AK3: variants seen among roughly 807,000 people sequenced by gnomAD.
AK3 encodes GTP:AMP phosphotransferase AK3, mitochondrial.
In AK3, 27 loss-of-function variants were observed where a neutral mutation model predicts 23.7. The observed-to-expected ratio is 1.14, with a 90% confidence interval of 0.84 to 1.57. AK3 has a LOEUF of 1.57. Ranked by LOEUF, AK3 falls within the 40% of genes most tolerant of loss-of-function variation. The pLI is 0.00. For missense variants in AK3, 406 were observed against 285.6 expected (o/e 1.42, Z -3.04); for synonymous variants, 159 against 116.0 (o/e 1.37, Z -2.38).
intron 1 of AK3, among the ~76,000 whole-genome samples, chr9:4,724,639 T>C (rs551654226): frequency 1.3e-5 from 2 of 152,062 alleles, no homozygotes; most frequent in South Asian, 2.1e-4. Flanking sequence ...ATTAGCTGGG[T>C]GTGGTGGCTC....
At chr9:4,728,252 A>G (rs1325483754) in intron 1 of AK3, among the ~76,000 whole-genome samples, 1 of 152,248 alleles carries the variant, frequency 6.6e-6, no homozygotes, top group Admixed American at 6.5e-5. Context: ...CCTGTGAAGC[A>G]CAATAAAACA....
rs936132778 is a variant in AK3 at position 4,719,239 on chromosome 9, G to C, written c.340C>G (p.Leu114Val). The change falls in exon 3 of 5, where the codon CTG (leucine) becomes GTG (valine). Residue 114 changes from leucine to valine, a missense_variant. By Grantham distance (32) the Leu-to-Val change is conservative. Coordinates refer to ENST00000381809, the MANE Select transcript of AK3 (RefSeq NM_016282.4). Reference protein sequence around the residue: ...RAYQIDTVINLNVPFEVIKQR... With the variant: ...RAYQIDTVINVNVPFEVIKQR... ...TTAATGACCTCAAAGGGCACATTCAGGTTAATCACTGTGTCGATCTGATAA... is the reference window on the plus strand; with the variant it reads ...TTAATGACCTCAAAGGGCACATTCACGTTAATCACTGTGTCGATCTGATAA... 3 of 1,611,996 alleles carry C rather than the reference G, an allele frequency of 1.9e-6. No homozygotes were observed. Among genetic ancestry groups the C allele is most frequent in the Non-Finnish European group, 2.5e-6 (3 of 1,179,730 alleles).
chr9:4,712,960 T>A lies in AK3; in HGVS notation c.*16A>T. Reference sequence around the variant, plus strand: ...GGTTTGCCCATCTTACTATTAATAGTTACACACATTTCTCCTCATGGAGTA... The same window carrying A: ...GGTTTGCCCATCTTACTATTAATAGATACACACATTTCTCCTCATGGAGTA... On this transcript the variant is annotated 3_prime_UTR_variant, in exon 5 of 5. Coordinates refer to ENST00000381809, the MANE Select transcript of AK3 (RefSeq NM_016282.4). The A allele has an allele frequency of 6.2e-7, 1 of 1,611,662 alleles. No individual in the cohort carries two copies. Among genetic ancestry groups the A allele is most frequent in the East Asian group, 2.2e-5 (1 of 44,830 alleles).
intron 2 of AK3, among the ~76,000 whole-genome samples, chr9:4,721,053 T>C (rs1342204036): frequency 1.3e-5 from 2 of 152,202 alleles, no homozygotes; most frequent in Non-Finnish European, 2.9e-5. Context: ...AGACTTTTCA[T>C]TAAACTTTTT....
chr9:4,731,649 C>A (rs1842156937), intron 1 of AK3, among the ~76,000 whole-genome samples: 1 of 151,902 alleles, frequency 6.6e-6, no homozygotes, highest in African/African-American at 2.4e-5. Context: ...ATATTTACCC[C>A]CTCCCAAAAT....
chr9:4,737,105 TTC>T (rs1338582125), intron 1 of AK3, among the ~76,000 whole-genome samples: 1 of 152,054 alleles, frequency 6.6e-6, no homozygotes, highest in Non-Finnish European at 1.5e-5. Context: ...TACTATATAG[TTC>T]TTTACTATAT....
At chr9:4,741,365 C>T, upstream of AK3, 1 of 328,294 alleles carries the variant, frequency 3.0e-6, no homozygotes, top group Admixed American at 5.0e-5. Context: ...AAGCCGCGCC[C>T]CCTCTGCGCT....
intron 4 of AK3, among the ~76,000 whole-genome samples, chr9:4,715,310 A>G (rs1404105472): frequency 1.3e-5 from 2 of 151,892 alleles, no homozygotes; most frequent in Non-Finnish European, 1.5e-5. Context: ...AGGAGCCTAG[A>G]AAGACTTCTA....
rs1587648444 is a variant in AK3, at chr9:4,726,035, A to T, written c.152-3410T>A. The stretch of plus-strand genomic sequence containing the variant: ...AAGTTATATATTTACATTACATTGT[A>T]GTCTATTAAGTGCAATAGCATTATG... On this transcript the variant is annotated intron_variant, in intron 1 of 4. Coordinates refer to ENST00000381809, the MANE Select transcript of AK3 (RefSeq NM_016282.4). 2.6e-5 allele frequency among the ~76,000 whole-genome samples: 4 copies of T among 152,230 alleles called. No homozygotes were observed. In the South Asian group the frequency reaches 8.3e-4, roughly 32 times the overall value.
intron 4 of AK3, 40 bp from the exon 5 acceptor site, chr9:4,713,136 TGA>T (rs2130866429): frequency 1.9e-6 from 3 of 1,603,986 alleles, no homozygotes; most frequent in Non-Finnish European, 2.6e-6. Flanking sequence ...CACACAGGTC[TGA>T]GTCTTCCTAA....
intron 1 of AK3, among the ~76,000 whole-genome samples, chr9:4,730,043 T>C (rs900709907): frequency 1.3e-5 from 2 of 152,158 alleles, no homozygotes; most frequent in Non-Finnish European, 2.9e-5. Context: ...TAGATGAACC[T>C]TCAAACATGC....
chr9:4,715,315 C>A (rs1477573580), intron 4 of AK3, among the ~76,000 whole-genome samples: 1 of 150,658 alleles, frequency 6.6e-6, no homozygotes, highest in Non-Finnish European at 1.5e-5. Flanking sequence ...CCTAGAAAGA[C>A]TTCTAAAATA....
chr9:4,712,639 A>G lies in AK3; in HGVS notation c.*337T>C, dbSNP rs528034626. On this transcript the variant is annotated 3_prime_UTR_variant, in exon 5 of 5. Transcript: ENST00000381809. ...AACTTTTTTTAACTTTTCCAGAAAA[A>G]TATGGAAACTTTATCAACCACTTAT... The G allele has an allele frequency of 6.3e-6, 1 of 159,632 alleles. No individual in the cohort carries two copies. The highest frequency in any genetic ancestry group is 2.4e-5 in the African/African-American group (1 of 41,834). 9.9% of individuals were successfully genotyped at this position (159,632 alleles called of 1,614,324 possible). A position where few individuals can be genotyped will look rare whatever the true frequency, so the allele number is the denominator to read the frequency against.
chr9:4,719,083 A>G, intron 3 of AK3, 52 bp downstream of exon 3: 1 of 1,599,246 alleles, frequency 6.3e-7, no homozygotes. Flanking sequence ...CTGTTAGGGC[A>G]AGAGGACTCA....
At chr9:4,728,912 T>C (rs373212074) in intron 1 of AK3, among the ~76,000 whole-genome samples, 4 of 147,424 alleles carry the variant, frequency 2.7e-5, no homozygotes, top group South Asian at 4.2e-4. Flanking sequence ...CTTATATATA[T>C]ACATACATAT....
intron 2 of AK3, 99 bp from the exon 3 acceptor site, chr9:4,719,406 A>C (rs1841833305): frequency 1.0e-4 from 102 of 997,000 alleles, no homozygotes; most frequent in East Asian, 1.4e-4. Context: ...GAAAGAATTA[A>C]TGTTGGACAA....
upstream of AK3, chr9:4,741,989 G>A (rs1419400437): frequency 6.6e-6 from 1 of 152,224 alleles, no homozygotes; most frequent in East Asian, 1.9e-4. Context: ...TACAGGAGAG[G>A]AAATCCAGCT....
At chr9:4,723,517 C>T (rs1354700190) in intron 1 of AK3, among the ~76,000 whole-genome samples, 1 of 152,184 alleles carries the variant, frequency 6.6e-6, no homozygotes, top group East Asian at 1.9e-4. Context: ...ATATTACCTA[C>T]AACTATATGT....
At chr9:4,738,461 C>A (rs1842347660) in intron 1 of AK3, among the ~76,000 whole-genome samples, 1 of 152,176 alleles carries the variant, frequency 6.6e-6, no homozygotes, top group African/African-American at 2.4e-5. Context: ...ACACCCCGCC[C>A]AGCTTAAACA....
Sources: gnomAD v4.1 joint callset for allele counts (sites outside exome capture counted in the v4.1 genomes callset) on GRCh38, gnomAD v4.1.1 for gene constraint, MANE v1.5 for transcripts, NCBI Gene and HGNC (gene_info 2026-07-23, HGNC 2026-07-21) for gene names.